HIVEP1: variants seen among roughly 807,000 people sequenced by gnomAD.
HIVEP1 encodes zinc finger protein 40.
HIVEP1 carries 36 observed loss-of-function variants against 180.0 expected under a neutral mutation model. That is an observed-to-expected ratio of 0.20 (90% confidence interval 0.15 to 0.26). The LOEUF (loss-of-function observed/expected upper bound fraction) is 0.26. Among genes scored for constraint, HIVEP1 ranks in the 10% least tolerant of loss-of-function variants. The pLI is 1.00. For synonymous variants in HIVEP1, 1,239 were observed against 1,239.0 expected, an observed-to-expected ratio of 1.00 and a Z score of 0.00; for missense variants, 3,143 against 3,268.7, an observed-to-expected ratio of 0.96 and a Z score of 0.94.
intron 2 of HIVEP1, among the ~76,000 whole-genome samples, chr6:12,055,690 C>G (rs766957351): frequency 3.9e-5 from 6 of 152,104 alleles, no homozygotes; most frequent in Non-Finnish European, 7.4e-5. Context: ...TTTTTCTAAG[C>G]TAGCAAATTT....
chr6:12,197,508 G>A, the HIVEP1 span, among the ~76,000 whole-genome samples: 6 of 144,402 alleles, frequency 4.2e-5, no homozygotes, highest in African/African-American at 1.0e-4. Context: ...AGCCGAGGTC[G>A]AGCCACTGCA....
chr6:12,048,598 T>G (rs902261735), intron 2 of HIVEP1, among the ~76,000 whole-genome samples: 4 of 152,226 alleles, frequency 2.6e-5, no homozygotes, highest in African/African-American at 9.6e-5. Context: ...GGATACACTC[T>G]CTAATTGAAA....
intron 4 of HIVEP1, among the ~76,000 whole-genome samples, chr6:12,129,193 G>C (rs972142038): frequency 6.6e-6 from 1 of 152,190 alleles, no homozygotes; most frequent in African/African-American, 2.4e-5. Context: ...CTGGGCAATA[G>C]TAAGACCCCA....
chr6:12,047,106 G>C (rs945481473), intron 2 of HIVEP1, among the ~76,000 whole-genome samples: 1 of 152,028 alleles, frequency 6.6e-6, no homozygotes, highest in Non-Finnish European at 1.5e-5. Context: ...TGATCTACCA[G>C]CCTCAGCCTC....
At chr6:12,192,212 C>T in the HIVEP1 span, among the ~76,000 whole-genome samples, 4 of 151,896 alleles carry the variant, frequency 2.6e-5, no homozygotes, top group African/African-American at 9.7e-5. Context: ...TGGATATTTT[C>T]TTCAGTATTT....
At chr6:12,166,927 C>A (rs574297983), downstream of HIVEP1, among the ~76,000 whole-genome samples, 4 of 152,270 alleles carry the variant, frequency 2.6e-5, no homozygotes, top group East Asian at 7.7e-4. Flanking sequence ...GAAAAAACAG[C>A]TGAAGAACCA....
the HIVEP1 span, among the ~76,000 whole-genome samples, chr6:12,203,837 G>A: frequency 6.6e-6 from 1 of 152,158 alleles, no homozygotes; most frequent in African/African-American, 2.4e-5. Context: ...AGCACTTTGG[G>A]GGGCCAAGGC....
At position 12,123,307 on chromosome 6, in the gene HIVEP1, C is replaced by G. The variant is rs910147058; in HGVS notation, c.3512C>G (p.Ser1171Cys). The G allele has an allele frequency of 6.2e-7, 1 of 1,614,132 alleles. No individual in the cohort carries two copies. The highest frequency in any genetic ancestry group is 1.7e-5 in the Admixed American group (1 of 60,000). The change falls in exon 4 of 9, where the codon TCC becomes TGC. Residue 1171 changes from serine (S) to cysteine (C), a missense_variant. Physicochemically the swap from Ser to Cys is moderately radical, Grantham distance 112. Coordinates refer to ENST00000379388, the MANE Select transcript of HIVEP1 (RefSeq NM_002114.4). The stretch of plus-strand genomic sequence containing the variant: ...CAGGAGCTGAATAGAACGGGGAAGT[C>G]CGGGTCTCTAAAAGTGATAGGAATC... Reference protein sequence around the residue: ...SFQELNRTGKSGSLKVIGISQ... With the variant: ...SFQELNRTGKCGSLKVIGISQ...
At chr6:12,039,722 G>A (rs984300193) in intron 2 of HIVEP1, among the ~76,000 whole-genome samples, 6 of 152,214 alleles carry the variant, frequency 3.9e-5, no homozygotes. Context: ...CGACCTCATT[G>A]GAAGGGGTGT....
intron 2 of HIVEP1, among the ~76,000 whole-genome samples, chr6:12,065,861 A>C (rs1023176720): frequency 2.0e-5 from 3 of 152,120 alleles, no homozygotes; most frequent in African/African-American, 7.2e-5. Flanking sequence ...TTAGAAAGCT[A>C]TTTTTGGTTT....
chr6:12,167,215 G>C (rs1342608351), downstream of HIVEP1, among the ~76,000 whole-genome samples: 4 of 151,912 alleles, frequency 2.6e-5, no homozygotes, highest in African/African-American at 9.7e-5. Context: ...TTAAATGATA[G>C]CAGTTAATAA....
the HIVEP1 span, among the ~76,000 whole-genome samples, chr6:12,205,449 T>G: frequency 9.0e-4 from 136 of 151,028 alleles, 1 homozygote; most frequent in African/African-American, 3.1e-3. Context: ...CCAGCCTGGG[T>G]GACAGAGCAA....
the HIVEP1 span, among the ~76,000 whole-genome samples, chr6:12,210,042 G>T: frequency 6.6e-6 from 1 of 152,060 alleles, no homozygotes; most frequent in Non-Finnish European, 1.5e-5. Flanking sequence ...GATGGAGGTT[G>T]CAGTGAACCA....
the HIVEP1 span, among the ~76,000 whole-genome samples, chr6:12,208,977 C>T: frequency 6.6e-6 from 1 of 152,194 alleles, no homozygotes. Flanking sequence ...CCTGTTTTCC[C>T]TCAGCATTAG....
chr6:12,057,474 T>C (rs1770955218), intron 2 of HIVEP1, among the ~76,000 whole-genome samples: 1 of 152,192 alleles, frequency 6.6e-6, no homozygotes, highest in South Asian at 2.1e-4. Flanking sequence ...GAGTATATGG[T>C]ATATGGTCTA....
chr6:12,145,279 A>G (rs1309283606), intron 7 of HIVEP1, among the ~76,000 whole-genome samples: 2 of 152,142 alleles, frequency 1.3e-5, no homozygotes, highest in African/African-American at 2.4e-5. Context: ...CAGAAAACCA[A>G]ACACCGCATG....
chr6:12,072,411 C>T (rs1250859922), intron 2 of HIVEP1, among the ~76,000 whole-genome samples: 1 of 152,096 alleles, frequency 6.6e-6, no homozygotes, highest in East Asian at 1.9e-4. Flanking sequence ...CGTGCCCCTC[C>T]CTTTCCTCAT....
chr6:12,053,201 T>C (rs1770646961), intron 2 of HIVEP1, among the ~76,000 whole-genome samples: 1 of 152,246 alleles, frequency 6.6e-6, no homozygotes, highest in Middle Eastern at 3.4e-3. Flanking sequence ...AAAATTATTA[T>C]AAATATTTCC....
chr6:12,200,122 G>A, the HIVEP1 span, among the ~76,000 whole-genome samples: 8 of 152,162 alleles, frequency 5.3e-5, no homozygotes, highest in East Asian at 1.9e-4. Context: ...CTCAGACACC[G>A]GACCAGATTG....
Sources: allele counts gnomAD v4.1 joint callset (sites outside exome capture counted in the v4.1 genomes callset), GRCh38; gene constraint gnomAD v4.1.1; transcripts MANE v1.5; gene names NCBI Gene and HGNC (gene_info 2026-07-23, HGNC 2026-07-21).